NSUN6: variants seen among roughly 807,000 people sequenced by gnomAD.
NSUN6 encodes NOP2/Sun RNA methyltransferase 6.
Under a neutral mutation model 58.0 loss-of-function variants are expected in NSUN6, and 64 were observed. That is an observed-to-expected ratio of 1.10 (90% CI 0.90 to 1.36). The LOEUF (loss-of-function observed/expected upper bound fraction) is 1.36, where lower values mean the gene tolerates loss of function less well. NSUN6 is among the 40% of genes most tolerant of loss of function. NSUN6 has a pLI of 0.00. For missense variants in NSUN6, 701 were observed against 550.1 expected, an observed-to-expected ratio of 1.27 and a Z score of -2.74; for synonymous variants, 231 against 193.9, an observed-to-expected ratio of 1.19 and a Z score of -1.59.
rs2059260398 is a variant in NSUN6 at position 18,637,587 on chromosome 10, C to G, written c.311+4889G>C. On this transcript the variant is annotated intron_variant, in intron 3 of 10. Coordinates refer to ENST00000377304, the MANE Select transcript of NSUN6 (RefSeq NM_182543.5). ...GGGTAATCTGGTAATATGTCTCCAA[C>G]TAAAATAAGCACAGACCTTTGAACT... Among the ~76,000 whole-genome samples the G allele has an allele frequency of 2.6e-5, 4 of 152,210 alleles. No individual in the cohort carries two copies. In the South Asian group the frequency reaches 8.3e-4, roughly 31 times the overall value.
chr10:18,643,897 T>A (rs1483667033), intron 2 of NSUN6, among the ~76,000 whole-genome samples: 1 of 152,194 alleles, frequency 6.6e-6, no homozygotes, highest in Non-Finnish European at 1.5e-5. Flanking sequence ...TGTTAATATA[T>A]AAATAAAACC....
chr10:18,622,652 T>A lies in NSUN6; in HGVS notation c.312-6359A>T, dbSNP rs544507674. 1.6e-4 allele frequency among the ~76,000 whole-genome samples: 24 copies of A among 152,290 alleles called. 1 individual carries two copies. In the South Asian group the frequency reaches 5.0e-3, roughly 32 times the overall value. ...TTGAACACGGAGGTGGAAGTTGCAG[T>A]GAGCAGAGATCGTGCCATTGCACTC... On this transcript the variant is annotated intron_variant, in intron 3 of 10. Coordinates refer to ENST00000377304, the MANE Select transcript of NSUN6 (RefSeq NM_182543.5).
intron 9 of NSUN6, among the ~76,000 whole-genome samples, chr10:18,550,927 T>G (rs2054560033): frequency 6.6e-6 from 1 of 152,146 alleles, no homozygotes; most frequent in South Asian, 2.1e-4. Context: ...GGTTTTGCCA[T>G]GTTGGCCAGG....
At chr10:18,558,226 T>C (rs549305681) in intron 8 of NSUN6, among the ~76,000 whole-genome samples, 1 of 143,522 alleles carries the variant, frequency 7.0e-6, no homozygotes, top group African/African-American at 2.6e-5. Context: ...GGGAATGTAA[T>C]GGAATGGGGA....
intron 1 of NSUN6, among the ~76,000 whole-genome samples, chr10:18,650,188 C>T (rs894528829): frequency 3.3e-5 from 5 of 151,848 alleles, no homozygotes; most frequent in African/African-American, 1.2e-4. Flanking sequence ...CAAAACAATG[C>T]AAGTTGTTTT....
intron 7 of NSUN6, among the ~76,000 whole-genome samples, chr10:18,588,458 C>T (rs1276604318): frequency 6.6e-6 from 1 of 152,206 alleles, no homozygotes; most frequent in Non-Finnish European, 1.5e-5. Flanking sequence ...TCAAGTGGGT[C>T]CCTGATCTCC....
intron 3 of NSUN6, among the ~76,000 whole-genome samples, chr10:18,635,226 T>C (rs2059173355): frequency 6.6e-6 from 1 of 152,218 alleles, no homozygotes; most frequent in Non-Finnish European, 1.5e-5. Context: ...GGGACCTCAC[T>C]GAGACAGCCT....
chr10:18,603,468 C>CTTTTTTT (rs1465029374), intron 6 of NSUN6, among the ~76,000 whole-genome samples: 4 of 149,610 alleles, frequency 2.7e-5, no homozygotes, highest in Non-Finnish European at 4.5e-5. Context: ...TTTTTCTTTT[C>CTTTTTTT]TTTTCTTTTC....
chr10:18,598,209 T>C (rs1216527075), intron 6 of NSUN6, among the ~76,000 whole-genome samples: 2 of 152,188 alleles, frequency 1.3e-5, no homozygotes, highest in Non-Finnish European at 2.9e-5. Context: ...GATCCACCCC[T>C]GCCCGCAAAA....
chr10:18,594,479 C>T (rs2057506987), intron 7 of NSUN6, among the ~76,000 whole-genome samples: 1 of 151,196 alleles, frequency 6.6e-6, no homozygotes, highest in Non-Finnish European at 1.5e-5. Flanking sequence ...GACGGAGTCT[C>T]ACTCTGTCAC....
At chr10:18,595,380 A>G (rs746360034) in intron 7 of NSUN6, among the ~76,000 whole-genome samples, 5 of 152,248 alleles carry the variant, frequency 3.3e-5, no homozygotes, top group Non-Finnish European at 7.3e-5. Flanking sequence ...CTTTAAGCAA[A>G]TACGATAAAT....
intron 6 of NSUN6, among the ~76,000 whole-genome samples, chr10:18,609,087 T>G (rs2058139506): frequency 6.6e-6 from 1 of 152,040 alleles, no homozygotes. Context: ...GGCAGGAGGA[T>G]CACTTGAGGC....
At chr10:18,557,576 T>C (rs1302375272) in intron 8 of NSUN6, among the ~76,000 whole-genome samples, 1 of 137,578 alleles carries the variant, frequency 7.3e-6, no homozygotes, top group Non-Finnish European at 1.6e-5. Context: ...GACAGTGGAA[T>C]GAATGGAATG....
chr10:18,596,022 T>C (rs2057571066), intron 7 of NSUN6, among the ~76,000 whole-genome samples, 186 bp downstream of exon 7: 1 of 152,250 alleles, frequency 6.6e-6, no homozygotes, highest in Admixed American at 6.5e-5. Flanking sequence ...AAGACGGTCT[T>C]GAGACAGTCT....
chr10:18,596,363 C>A (rs779010748), intron 6 of NSUN6, 36 bp from the exon 7 acceptor site: 1 of 1,435,482 alleles, frequency 7.0e-7, no homozygotes, highest in Non-Finnish European at 9.8e-7. Context: ...TATCAATAAT[C>A]CTAAAGCATT....
At chr10:18,653,242 A>G, upstream of NSUN6, 3 of 984,448 alleles carry the variant, frequency 3.0e-6, no homozygotes, top group Non-Finnish European at 3.6e-6. Flanking sequence ...ATGGGCACTC[A>G]AATACTTACT....
chr10:18,563,465 G>A (rs2055692775), intron 8 of NSUN6, among the ~76,000 whole-genome samples: 1 of 151,094 alleles, frequency 6.6e-6, no homozygotes. Flanking sequence ...ATGAAATGGA[G>A]AACGGTATGG....
chr10:18,651,853 G>A (rs576236317), upstream of NSUN6: 6 of 985,452 alleles, frequency 6.1e-6, no homozygotes, highest in Middle Eastern at 5.2e-4. Context: ...TAGGTGCCAG[G>A]GGCAATGGGG....
intron 1 of NSUN6, among the ~76,000 whole-genome samples, chr10:18,649,031 A>C (rs778324819): frequency 2.6e-5 from 4 of 152,212 alleles, no homozygotes; most frequent in Non-Finnish European, 5.9e-5. Flanking sequence ...AGTTAGTTGG[A>C]CGTTAGCTAA....
Sources: allele counts gnomAD v4.1 joint callset (sites outside exome capture counted in the v4.1 genomes callset), GRCh38; gene constraint gnomAD v4.1.1; transcripts MANE v1.5; gene names NCBI Gene and HGNC (gene_info 2026-07-23, HGNC 2026-07-21).